RIMKLB: variants seen among roughly 807,000 people sequenced by gnomAD.
RIMKLB encodes beta-citrylglutamate synthase B.
A neutral mutation model predicts 32.0 loss-of-function variants in RIMKLB; 7 were observed. That is an observed-to-expected ratio of 0.22 (90% CI 0.12 to 0.41). The LOEUF (loss-of-function observed/expected upper bound fraction) is 0.41, where lower values mean the gene tolerates loss of function less well. Among genes scored for constraint, RIMKLB ranks in the 10% least tolerant of loss-of-function variants. RIMKLB has a pLI of 1.00. For missense variants in RIMKLB, 289 were observed against 498.7 expected, an observed-to-expected ratio of 0.58 and a Z score of 4.00; for synonymous variants, 172 against 185.1, an observed-to-expected ratio of 0.93 and a Z score of 0.57.
chr12:8,718,667 A>ATGTGTGTGTGTGTGTGTGTGTG (rs1296960908), intron 2 of RIMKLB, among the ~76,000 whole-genome samples: 1 of 132,670 alleles, frequency 7.5e-6, no homozygotes, highest in Non-Finnish European at 1.6e-5. Flanking sequence ...ATATATATAT[A>ATGTGTGTGTGTGTGTGTGTGTG]TATGTGTGTG....
At chr12:8,752,108 A>C in intron 4 of RIMKLB, 65 bp downstream of exon 4, 1 of 1,013,212 alleles carries the variant, frequency 9.9e-7, no homozygotes, top group South Asian at 1.4e-5. Flanking sequence ...ATATGGAGTG[A>C]CTTTGAAGAA....
chr12:8,752,310 T>C (rs1252870392), intron 4 of RIMKLB, among the ~76,000 whole-genome samples: 2 of 152,200 alleles, frequency 1.3e-5, no homozygotes, highest in East Asian at 1.9e-4. Flanking sequence ...CCCAGCACTT[T>C]GGGAGGCTAA....
chr12:8,688,243 G>A (rs138074427), intron 1 of RIMKLB, among the ~76,000 whole-genome samples: 63 of 152,296 alleles, frequency 4.1e-4, no homozygotes, highest in Non-Finnish European at 6.9e-4. Context: ...TGGTTGTGTG[G>A]TATGTGTGGC....
chr12:8,704,960 C>T (rs1943720441), intron 1 of RIMKLB, among the ~76,000 whole-genome samples: 1 of 143,288 alleles, frequency 7.0e-6, no homozygotes, highest in African/African-American at 2.8e-5. Flanking sequence ...AGAGCAAGAC[C>T]TCACCTCTAA....
chr12:8,699,027 A>G (rs1943143342), intron 1 of RIMKLB, among the ~76,000 whole-genome samples: 1 of 151,926 alleles, frequency 6.6e-6, no homozygotes, highest in Admixed American at 6.6e-5. Context: ...CTTATCTCTG[A>G]TCACACATTT....
chr12:8,731,257 C>T (rs1946517778), intron 2 of RIMKLB, among the ~76,000 whole-genome samples: 1 of 151,692 alleles, frequency 6.6e-6, no homozygotes, highest in Admixed American at 6.6e-5. Flanking sequence ...CCACCACACC[C>T]AGCTAATTTT....
chr12:8,722,220 T>TAAAA lies in RIMKLB; in HGVS notation c.175+8190_175+8193dup, dbSNP rs34755699. ...CTGTTTGTCAGCTGTCTCACAGAGC[T>TAAAA]AAAAAAAAAAAAAATTACTTCTTGA... On this transcript the variant is annotated intron_variant, in intron 2 of 5. Transcript: ENST00000535829. Among the ~76,000 whole-genome samples the TAAAA allele has an allele frequency of 5.1e-3, 750 of 147,738 alleles. 3 individuals are homozygous for TAAAA. The highest frequency in any genetic ancestry group is 0.018 in the African/African-American group (712 of 40,448).
At chr12:8,748,081 ATAT>A (rs1349538287) in intron 2 of RIMKLB, among the ~76,000 whole-genome samples, 1 of 152,164 alleles carries the variant, frequency 6.6e-6, no homozygotes, top group Non-Finnish European at 1.5e-5. Flanking sequence ...ATATATCTAT[ATAT>A]GTTTCTGTAT....
chr12:8,670,877 C>T, the RIMKLB span, among the ~76,000 whole-genome samples: 1 of 152,246 alleles, frequency 6.6e-6, no homozygotes, highest in Non-Finnish European at 1.5e-5. Context: ...ACAGAGGTTC[C>T]CAAACCTCAA....
At chr12:8,691,720 T>TA (rs1458574790) in intron 1 of RIMKLB, among the ~76,000 whole-genome samples, 1 of 152,198 alleles carries the variant, frequency 6.6e-6, no homozygotes, top group Non-Finnish European at 1.5e-5. Context: ...CACATGAACT[T>TA]AGACTACTGA....
intron 5 of RIMKLB, among the ~76,000 whole-genome samples, chr12:8,770,215 G>A (rs779218637): frequency 5.9e-5 from 9 of 152,222 alleles, no homozygotes; most frequent in Admixed American, 2.6e-4. Context: ...TGTTCGCCTC[G>A]ACCTCCCATA....
At chr12:8,755,531 T>C (rs1948952582) in intron 5 of RIMKLB, among the ~76,000 whole-genome samples, 1 of 152,206 alleles carries the variant, frequency 6.6e-6, no homozygotes, top group South Asian at 2.1e-4. Context: ...CTACTCAGAA[T>C]GTTTCCAAAT....
chr12:8,749,817 T>TATATTTCC, intron 2 of RIMKLB, 45 bp from the exon 3 acceptor site: 1 of 1,253,230 alleles, frequency 8.0e-7, no homozygotes, highest in South Asian at 1.3e-5. Flanking sequence ...TATTTTGTTG[T>TATATTTCC]ATATTTCCCT....
chr12:8,725,972 C>G (rs1217257555), intron 2 of RIMKLB, among the ~76,000 whole-genome samples: 7 of 152,142 alleles, frequency 4.6e-5, no homozygotes, highest in Non-Finnish European at 1.0e-4. Context: ...CTCAGCCTCC[C>G]GAATAGCTGG....
Position 8,701,374 on chromosome 12 carries a change from G to A in RIMKLB, c.-57+3077G>A, listed in dbSNP as rs147854571. 2.2e-4 allele frequency among the ~76,000 whole-genome samples: 33 copies of A among 151,970 alleles called. No homozygotes were observed. The East Asian group carries it at 6.0e-3, about 28-fold the overall frequency. On this transcript the variant is annotated intron_variant, in intron 1 of 5. Transcript: ENST00000535829. ...GTTTGTAGAAAAGTACTGACTTTCT[G>A]GCTTCATGGTAACTAATGCCATGGT...
chr12:8,743,339 G>C (rs1477936125), intron 2 of RIMKLB, among the ~76,000 whole-genome samples: 2 of 128,872 alleles, frequency 1.6e-5, no homozygotes, highest in Non-Finnish European at 3.1e-5. Context: ...GGGTGACAGA[G>C]CCAAGAGTCT....
Position 8,698,780 on chromosome 12 carries a change from T to A in RIMKLB, c.-57+483T>A, listed in dbSNP as rs77193937. ...ACGTGGTGCGGTCCCGCAGCTACTG[T>A]ATTCGATTCCACGTTTTCCTCCTTA... On this transcript the variant is annotated intron_variant, in intron 1 of 5. Coordinates refer to ENST00000535829, the MANE Select transcript of RIMKLB (RefSeq NM_001297776.2). Among the ~76,000 whole-genome samples the A allele has an allele frequency of 5.7e-3, 860 of 151,106 alleles. 4 individuals are homozygous for A. Among genetic ancestry groups the A allele is most frequent in the African/African-American group, 0.02 (810 of 41,252 alleles).
upstream of RIMKLB, among the ~76,000 whole-genome samples, chr12:8,678,250 A>G (rs1942355856): frequency 6.6e-6 from 1 of 151,866 alleles, no homozygotes; most frequent in Non-Finnish European, 1.5e-5. Context: ...TCTTGGACTC[A>G]AGTGATCCTC....
At chr12:8,766,101 A>G (rs1352272998) in intron 5 of RIMKLB, among the ~76,000 whole-genome samples, 3 of 151,340 alleles carry the variant, frequency 2.0e-5, no homozygotes, top group African/African-American at 7.3e-5. Context: ...CCTTGGGGGG[A>G]ATGTTTCCCA....
Sources: gnomAD v4.1 joint callset for allele counts (sites outside exome capture counted in the v4.1 genomes callset) on GRCh38, gnomAD v4.1.1 for gene constraint, MANE v1.5 for transcripts, NCBI Gene and HGNC (gene_info 2026-07-23, HGNC 2026-07-21) for gene names.